The following PROS1 variants were observed in gnomAD, a reference collection of about 807,000 sequenced individuals.
PROS1 encodes the protein vitamin K-dependent protein S.
PROS1 carries 29 observed loss-of-function variants against 75.9 expected under a neutral mutation model. That is an observed-to-expected ratio of 0.38 (90% CI 0.28 to 0.52). The LOEUF (loss-of-function observed/expected upper bound fraction) is 0.52. PROS1 is among the 20% of genes least tolerant of loss of function. PROS1 has a pLI of 0.83. For missense variants in PROS1, 680 were observed against 810.3 expected, an observed-to-expected ratio of 0.84 and a Z score of 1.95; for synonymous variants, 245 against 280.6, an observed-to-expected ratio of 0.87 and a Z score of 1.27.
At chr3:93,905,530 G>A (rs1282291225) in intron 6 of PROS1, among the ~76,000 whole-genome samples, 2 of 152,148 alleles carry the variant, frequency 1.3e-5, no homozygotes, top group Non-Finnish European at 2.9e-5. Flanking sequence ...AATTAAGCTC[G>A]GGAGGTCAAG....
At chr3:93,937,058 G>C (rs925461460) in intron 1 of PROS1, among the ~76,000 whole-genome samples, 1 of 152,174 alleles carries the variant, frequency 6.6e-6, no homozygotes. Context: ...GTAGCAGGAC[G>C]AGCCACAGAC....
At chr3:93,901,324 C>T (rs1360198791) in intron 6 of PROS1, among the ~76,000 whole-genome samples, 1 of 152,178 alleles carries the variant, frequency 6.6e-6, no homozygotes, top group Non-Finnish European at 1.5e-5. Context: ...AATGAACAAA[C>T]ATCTAATTAG....
intron 1 of PROS1, among the ~76,000 whole-genome samples, chr3:93,954,624 T>A (rs1709567270): frequency 6.6e-6 from 1 of 152,168 alleles, no homozygotes; most frequent in South Asian, 2.1e-4. Flanking sequence ...ATAAAAACCC[T>A]AGAAGATAAC....
chr3:93,929,974 C>T (rs1250000587), intron 1 of PROS1, among the ~76,000 whole-genome samples: 1 of 151,782 alleles, frequency 6.6e-6, no homozygotes, highest in Non-Finnish European at 1.5e-5. Context: ...CAAAAGTTGA[C>T]AATAGAAGAA....
At chr3:93,910,729 C>A (rs1483418779) in intron 3 of PROS1, 24 bp from the exon 4 acceptor site, 3 of 1,572,690 alleles carry the variant, frequency 1.9e-6, no homozygotes, top group Non-Finnish European at 2.6e-6. Flanking sequence ...CAAACATAAT[C>A]TTCTTAGAGT....
chr3:93,898,247 T>A (rs1396899830), intron 8 of PROS1, among the ~76,000 whole-genome samples: 1 of 152,080 alleles, frequency 6.6e-6, no homozygotes, highest in Non-Finnish European at 1.5e-5. Flanking sequence ...CTCTTTTTTT[T>A]AAACCCAGCC....
Position 93,927,418 on chromosome 3 carries a change from C to T in PROS1, c.77-11G>A, listed in dbSNP as rs751566951. On this transcript the variant is annotated splice_polypyrimidine_tract_variant and intron_variant, in intron 1 of 14. Coordinates refer to ENST00000394236, the MANE Select transcript of PROS1 (RefSeq NM_000313.4). The stretch of plus-strand genomic sequence containing the variant: ...GTTGCTTTGACAAAACTGAAGGAAA[C>T]AATCAGTTTATATGAATTAATCATT... The T allele has an allele frequency of 1.2e-6, 2 of 1,613,388 alleles. No homozygotes were observed. The highest frequency in any genetic ancestry group is 1.7e-6 in the Non-Finnish European group (2 of 1,179,648).
intron 1 of PROS1, among the ~76,000 whole-genome samples, chr3:93,957,839 C>T (rs1338228266): frequency 5.3e-5 from 8 of 152,126 alleles, no homozygotes; most frequent in East Asian, 1.9e-4. Context: ...AATTGGCTCA[C>T]AGTTCTGCTG....
At chr3:93,963,501 T>G (rs1709739947) in intron 1 of PROS1, among the ~76,000 whole-genome samples, 1 of 152,204 alleles carries the variant, frequency 6.6e-6, no homozygotes, top group African/African-American at 2.4e-5. Flanking sequence ...TGTGTTAATC[T>G]GTCTGCATCA....
At position 93,938,500 on chromosome 3, in the gene PROS1, C is replaced by T. The variant is rs1039583691; in HGVS notation, c.77-11093G>A. Among the ~76,000 whole-genome samples the T allele has an allele frequency of 5.3e-5, 8 of 152,134 alleles. No homozygotes were observed. In the East Asian group the frequency reaches 5.8e-4, roughly 11 times the overall value. ...CTTCCAGAGACTTGTCCCCTGTCCT[C>T]GTCCTCACTCCGTGAGGAGATCCAC... On this transcript the variant is annotated intron_variant, in intron 1 of 14. Coordinates refer to ENST00000394236, the MANE Select transcript of PROS1 (RefSeq NM_000313.4).
chr3:93,940,710 C>G (rs1176648907), intron 1 of PROS1, among the ~76,000 whole-genome samples: 1 of 152,058 alleles, frequency 6.6e-6, no homozygotes, highest in African/African-American at 2.4e-5. Flanking sequence ...CATTACTATC[C>G]CATTAAACCC....
chr3:93,939,643 T>G (rs1272179638), intron 1 of PROS1, among the ~76,000 whole-genome samples: 1 of 152,204 alleles, frequency 6.6e-6, no homozygotes, highest in Non-Finnish European at 1.5e-5. Context: ...TTAATGCTCC[T>G]TTTCTTTATC....
chr3:93,878,872 C>T (rs1347100227), intron 13 of PROS1, among the ~76,000 whole-genome samples: 5 of 151,986 alleles, frequency 3.3e-5, no homozygotes, highest in Admixed American at 6.6e-5. Flanking sequence ...ACTCGGATGG[C>T]TCCAAGCAGC....
intron 14 of PROS1, among the ~76,000 whole-genome samples, chr3:93,875,565 A>G (rs1483765557): frequency 2.6e-5 from 4 of 152,082 alleles, no homozygotes; most frequent in Non-Finnish European, 5.9e-5. Flanking sequence ...TTCAATATAG[A>G]ATTTATTCAT....
chr3:93,926,725 G>GCACACA (rs375272831), intron 2 of PROS1, among the ~76,000 whole-genome samples: 1 of 151,906 alleles, frequency 6.6e-6, no homozygotes, highest in East Asian at 1.9e-4. Flanking sequence ...GCGCGCACAC[G>GCACACA]CACACACACA....
chr3:93,937,101 G>A (rs1709195303), intron 1 of PROS1, among the ~76,000 whole-genome samples: 1 of 152,124 alleles, frequency 6.6e-6, no homozygotes, highest in South Asian at 2.1e-4. Flanking sequence ...GTAGAAGGAA[G>A]GGCTTTATTC....
At chr3:93,931,694 T>C (rs1298298008) in intron 1 of PROS1, among the ~76,000 whole-genome samples, 2 of 152,254 alleles carry the variant, frequency 1.3e-5, no homozygotes, top group African/African-American at 4.8e-5. Flanking sequence ...GCAATACTTT[T>C]CCTGAGACTT....
chr3:93,943,458 C>T (rs1214307776), intron 1 of PROS1, among the ~76,000 whole-genome samples: 1 of 152,082 alleles, frequency 6.6e-6, no homozygotes, highest in African/African-American at 2.4e-5. Context: ...TTCTATACAA[C>T]CAATGTCACT....
At chr3:93,932,045 G>C (rs192826183) in intron 1 of PROS1, among the ~76,000 whole-genome samples, 82 of 152,302 alleles carry the variant, frequency 5.4e-4, no homozygotes, top group Non-Finnish European at 1.1e-3. Context: ...TAAAACTACA[G>C]GACTGTTGGA....
Sources: allele counts gnomAD v4.1 joint callset (sites outside exome capture counted in the v4.1 genomes callset), GRCh38; gene constraint gnomAD v4.1.1; transcripts MANE v1.5; gene names NCBI Gene and HGNC (gene_info 2026-07-23, HGNC 2026-07-21).